The following WFDC3 variants were observed in gnomAD, a reference collection of about 807,000 sequenced individuals.
WFDC3 encodes the protein WAP four-disulfide core domain protein 3.
A neutral mutation model predicts 25.8 loss-of-function variants in WFDC3; 15 were observed. The ratio of observed to expected loss-of-function variants is 0.58; its 90% CI spans 0.39 to 0.89. WFDC3 has a LOEUF of 0.89. Among genes scored for constraint, WFDC3 ranks in the 40% least tolerant of loss-of-function variants. The pLI is 0.00. For missense variants in WFDC3, 264 were observed against 289.8 expected, an observed-to-expected ratio of 0.91 and a Z score of 0.65; for synonymous variants, 103 against 107.1, an observed-to-expected ratio of 0.96 and a Z score of 0.24.
chr20:45,776,993 T>C (rs1224458740), intron 5 of WFDC3, 82 bp downstream of exon 5: 1 of 1,603,034 alleles, frequency 6.2e-7, no homozygotes, highest in African/African-American at 1.3e-5. Flanking sequence ...AGGATGAGAA[T>C]CCTAGCTCCT....
At position 45,787,782 on chromosome 20, in the gene WFDC3, G is replaced by T. The variant is rs920370892; in HGVS notation, c.358+54C>A. The T allele has an allele frequency of 2.6e-6, 4 of 1,549,856 alleles. No homozygotes were observed. In the African/African-American group the frequency reaches 5.6e-5, roughly 22 times the overall value. The stretch of plus-strand genomic sequence containing the variant: ...AACAAGCTGATATGTGCATATTTGA[G>T]AAATAAACAAGCAGACCAAACAGAC... On this transcript the variant is annotated intron_variant, in intron 4 of 6. Transcript: ENST00000243938.
chr20:45,774,336 G>A lies in WFDC3; in HGVS notation c.*92C>T. The A allele has an allele frequency of 6.3e-7, 1 of 1,575,134 alleles. No homozygotes were observed. The highest frequency in any genetic ancestry group is 8.7e-7 in the Non-Finnish European group (1 of 1,144,914). Reference sequence around the variant, plus strand: ...AGCAGAGAGGGCCATGAGTGCCCCTGGAAATGTCACAAGCCCCAGGATGTC... The same window carrying A: ...AGCAGAGAGGGCCATGAGTGCCCCTAGAAATGTCACAAGCCCCAGGATGTC... On this transcript the variant is annotated 3_prime_UTR_variant, in exon 7 of 7. Coordinates refer to ENST00000243938, the MANE Select transcript of WFDC3 (RefSeq NM_080614.2).
At chr20:45,786,149 G>A (rs1214122585) in intron 4 of WFDC3, among the ~76,000 whole-genome samples, 1 of 152,154 alleles carries the variant, frequency 6.6e-6, no homozygotes, top group Non-Finnish European at 1.5e-5. Context: ...CCAGCCCTTG[G>A]GAGGCCAAGG....
At chr20:45,776,875 T>C (rs567948869) in intron 5 of WFDC3, among the ~76,000 whole-genome samples, 200 bp downstream of exon 5, 71 of 152,142 alleles carry the variant, frequency 4.7e-4, no homozygotes, top group African/African-American at 1.7e-3. Context: ...CCAGCCCAAG[T>C]AGTTCCTACT....
chr20:45,780,810 T>A (rs1217915161), intron 4 of WFDC3, among the ~76,000 whole-genome samples: 1 of 152,190 alleles, frequency 6.6e-6, no homozygotes, highest in Non-Finnish European at 1.5e-5. Flanking sequence ...AGAAGGGCCC[T>A]CTGAGCTAAC....
chr20:45,787,761 A>G lies in WFDC3; in HGVS notation c.358+75T>C. ...ATATAGCAGCAAAGTAAAACCAACA[A>G]GCTGATATGTGCATATTTGAGAAAT... On this transcript the variant is annotated intron_variant, in intron 4 of 6. Coordinates refer to ENST00000243938, the MANE Select transcript of WFDC3 (RefSeq NM_080614.2). 3 of 1,496,452 alleles carry G rather than the reference A, an allele frequency of 2.0e-6. 1 individual carries two copies. Among genetic ancestry groups the G allele is most frequent in the Middle Eastern group, 3.6e-4 (2 of 5,574 alleles). The allele number at this position is 1,496,452 out of a possible 1,614,324, so 92.7% of individuals were successfully genotyped here. A position where few individuals can be genotyped will look rare whatever the true frequency, so the allele number is the denominator to read the frequency against.
At chr20:45,781,508 A>C (rs1056406999) in intron 4 of WFDC3, among the ~76,000 whole-genome samples, 1 of 152,256 alleles carries the variant, frequency 6.6e-6, no homozygotes, top group Non-Finnish European at 1.5e-5. Flanking sequence ...GATTTATTAC[A>C]GCAAAAGGAT....
At chr20:45,791,467 T>C (rs553354575) in intron 1 of WFDC3, among the ~76,000 whole-genome samples, 2 of 151,870 alleles carry the variant, frequency 1.3e-5, no homozygotes, top group Non-Finnish European at 2.9e-5. Context: ...CGGCTAATTT[T>C]TATATTTTTA....
At position 45,775,798 on chromosome 20, in the gene WFDC3, A is replaced by C. The variant is rs537653843; in HGVS notation, c.494-196T>G. Among the ~76,000 whole-genome samples, 24 of 147,462 alleles carry C rather than the reference A, an allele frequency of 1.6e-4. No homozygotes were observed. The Middle Eastern group carries it at 0.01, about 64-fold the overall frequency. On this transcript the variant is annotated intron_variant, in intron 5 of 6. Coordinates refer to ENST00000243938, the MANE Select transcript of WFDC3 (RefSeq NM_080614.2). ...GAACCCAAGAGACCTCTGAGCCCAG[A>C]GTTTTCAAATGGTGCCCCAAAGGGA...
chr20:45,777,806 C>T (rs1044975611), intron 4 of WFDC3, among the ~76,000 whole-genome samples: 12 of 149,946 alleles, frequency 8.0e-5, no homozygotes, highest in Admixed American at 2.7e-4. Flanking sequence ...CAGGCGTGAG[C>T]CCCCCCACCC....
In WFDC3 at chr20:45,782,695, C is replaced by G. The variant is rs560137344; in HGVS notation, c.358+5141G>C. Reference sequence around the variant, plus strand: ...TCGGCCGCCTTCCATTTTTCTATGTCTGCAGTATCTCCAACCCAGTCTAAG... The same window carrying G: ...TCGGCCGCCTTCCATTTTTCTATGTGTGCAGTATCTCCAACCCAGTCTAAG... On this transcript the variant is annotated intron_variant, in intron 4 of 6. Coordinates refer to ENST00000243938, the MANE Select transcript of WFDC3 (RefSeq NM_080614.2). Among the ~76,000 whole-genome samples, 4 of 152,228 alleles carry G rather than the reference C, an allele frequency of 2.6e-5. No individual in the cohort carries two copies. In the South Asian group the frequency reaches 8.3e-4, roughly 32 times the overall value.
Position 45,777,118 on chromosome 20 carries a change from G to T in WFDC3, c.450C>A (p.Cys150Ter), listed in dbSNP as rs939663080. ...GGCAGGTGCGGCCACAGCCGGTGCT[G>T]CAGCATTTATGCCCCTGGGGACAGG... ...DASCPQGHKC[C>*]STGCGRTCLG... The change falls in exon 5 of 7, where the codon TGC (cysteine) becomes TGA (stop). Residue 150 changes from cysteine (C) to a stop codon, truncating the protein, a stop_gained. Transcript: ENST00000243938. LOFTEE classifies it high-confidence loss of function. 6.2e-7 allele frequency: 1 copy of T among 1,612,212 alleles called. No individual in the cohort carries two copies.
intron 5 of WFDC3, among the ~76,000 whole-genome samples, chr20:45,776,278 C>CTCTGTGTG (rs1555812707): frequency 2.9e-5 from 3 of 101,952 alleles, no homozygotes; most frequent in Admixed American, 1.1e-4. Flanking sequence ...GCTTTTATCT[C>CTCTGTGTG]TGTGTGTGTG....
intron 4 of WFDC3, among the ~76,000 whole-genome samples, chr20:45,781,243 C>T (rs536033465): frequency 6.8e-6 from 1 of 147,918 alleles, no homozygotes; most frequent in Non-Finnish European, 1.5e-5. Flanking sequence ...AGCGAGACTC[C>T]ATCTCAAACA....
intron 4 of WFDC3, among the ~76,000 whole-genome samples, chr20:45,781,139 C>T (rs1275330489): frequency 6.6e-6 from 1 of 150,888 alleles, no homozygotes; most frequent in Admixed American, 6.6e-5. Flanking sequence ...ATCCCAGCTA[C>T]TGGGGAGGCT....
chr20:45,791,859 C>T lies in WFDC3; in HGVS notation c.-35G>A. The stretch of plus-strand genomic sequence containing the variant: ...GGCCTCTAAGTGTAACTGTCCTGGG[C>T]GAGGCGCGGCGGTTCGGTTCCCATG... On this transcript the variant is annotated 5_prime_UTR_variant, in exon 1 of 7. Coordinates refer to ENST00000243938, the MANE Select transcript of WFDC3 (RefSeq NM_080614.2). The T allele has an allele frequency of 2.0e-6, 1 of 495,516 alleles. No homozygotes were observed. The highest frequency in any genetic ancestry group is 3.2e-6 in the Non-Finnish European group (1 of 315,738). 30.7% of individuals were successfully genotyped at this position (495,516 alleles called of 1,614,324 possible). A position where few individuals can be genotyped will look rare whatever the true frequency, so the allele number is the denominator to read the frequency against.
intron 4 of WFDC3, 136 bp from the exon 5 acceptor site, chr20:45,777,345 T>C: frequency 9.7e-7 from 1 of 1,026,720 alleles, no homozygotes; most frequent in Non-Finnish European, 1.2e-6. Flanking sequence ...GTATCATGTA[T>C]CTGCAATACA....
intron 4 of WFDC3, among the ~76,000 whole-genome samples, chr20:45,781,923 G>T (rs1462595807): frequency 6.6e-6 from 1 of 152,222 alleles, no homozygotes; most frequent in Non-Finnish European, 1.5e-5. Flanking sequence ...TCTCAGGCTT[G>T]TTATGTTAAC....
At chr20:45,779,085 C>A (rs1213110554) in intron 4 of WFDC3, among the ~76,000 whole-genome samples, 1 of 152,192 alleles carries the variant, frequency 6.6e-6, no homozygotes, top group Non-Finnish European at 1.5e-5. Context: ...CAACACTCAG[C>A]CTCTTGATTT....
Sources: allele counts gnomAD v4.1 joint callset (sites outside exome capture counted in the v4.1 genomes callset), GRCh38; gene constraint gnomAD v4.1.1; transcripts MANE v1.5; gene names NCBI Gene and HGNC (gene_info 2026-07-23, HGNC 2026-07-21).